The following TCTN1 variants were observed in gnomAD, a reference collection of about 807,000 sequenced individuals.
TCTN1 encodes the protein tectonic-1.
In TCTN1, 58 loss-of-function variants were observed where a neutral mutation model predicts 65.8. The ratio of observed to expected loss-of-function variants is 0.88; its 90% CI spans 0.71 to 1.10. The LOEUF (loss-of-function observed/expected upper bound fraction) is 1.10, where lower values mean the gene tolerates loss of function less well. TCTN1 is among the 50% of genes least tolerant of loss of function. TCTN1 has a pLI of 0.00. For synonymous variants in TCTN1, 273 were observed against 289.1 expected, an observed-to-expected ratio of 0.94 and a Z score of 0.57; for missense variants, 645 against 719.4, an observed-to-expected ratio of 0.90 and a Z score of 1.18.
At chr12:110,637,547 T>A (rs936675691) in intron 7 of TCTN1, among the ~76,000 whole-genome samples, 1 of 152,138 alleles carries the variant, frequency 6.6e-6, no homozygotes. Flanking sequence ...CTTTCTTAAA[T>A]GCAGTCTGAA....
intron 2 of TCTN1, among the ~76,000 whole-genome samples, chr12:110,625,372 C>T (rs114802211): frequency 0.015 from 2,318 of 152,276 alleles, 64 homozygotes; most frequent in African/African-American, 0.053. Flanking sequence ...AGCCTTGCAT[C>T]TTAACCTCCT....
At chr12:110,621,999 G>A (rs1229180222) in intron 2 of TCTN1, among the ~76,000 whole-genome samples, 2 of 151,848 alleles carry the variant, frequency 1.3e-5, no homozygotes, top group Non-Finnish European at 2.9e-5. Flanking sequence ...TCAGCTGGGC[G>A]TGGTGGTGGG....
In TCTN1 at chr12:110,614,134, C is replaced by G. The variant is rs1375400751; in HGVS notation, c.-49C>G. On this transcript the variant is annotated 5_prime_UTR_variant, in exon 1 of 15. Coordinates refer to ENST00000397659, the MANE Select transcript of TCTN1 (RefSeq NM_001082538.3). ...CCCCGCGCCTGGCTGTCGCGGTTGC[C>G]GGGCAACGCGCTGTCCATGTCGCGG... 1 of 1,539,212 alleles carries G rather than the reference C, an allele frequency of 6.5e-7. No individual in the cohort carries two copies.
chr12:110,638,452 T>G (rs539862637), intron 7 of TCTN1, among the ~76,000 whole-genome samples: 3 of 152,362 alleles, frequency 2.0e-5, no homozygotes, highest in South Asian at 4.1e-4. Flanking sequence ...ACTGTTATGA[T>G]TGCCTGGAAT....
chr12:110,636,565 G>A (rs894202888), intron 7 of TCTN1, 64 bp downstream of exon 7: 14 of 1,016,750 alleles, frequency 1.4e-5, no homozygotes, highest in Non-Finnish European at 1.9e-5. Flanking sequence ...TCTTATTTCT[G>A]AGCCCTTTTA....
chr12:110,641,539 C>A lies in TCTN1; in HGVS notation c.1105-3C>A. 1 of 1,613,902 alleles carries A rather than the reference C, an allele frequency of 6.2e-7. No individual in the cohort carries two copies. The highest frequency in any genetic ancestry group is 1.1e-5 in the South Asian group (1 of 91,078). On this transcript the variant is annotated splice_polypyrimidine_tract_variant and splice_region_variant and intron_variant, in intron 9 of 14. Transcript: ENST00000397659. ...TTGGGGGCATTTCTGCATTGTCTTT[C>A]AGGAAAATACCCAGCCAGTCCCTCT...
chr12:110,645,842 A>G lies in TCTN1; in HGVS notation c.1494+713A>G, dbSNP rs1174932124. The G allele has an allele frequency of 2.6e-5, 4 of 153,124 alleles. No homozygotes were observed. In the East Asian group the frequency reaches 7.7e-4, roughly 30 times the overall value. The allele number at this position is 153,124 out of a possible 1,614,324, so 9.5% of individuals were successfully genotyped here. ...TTGTCACGCTTTCTTCAGACCTCTC[A>G]TTATCCGCTCCGAATATTTCTAGCA... On this transcript the variant is annotated intron_variant, in intron 12 of 14. Transcript: ENST00000397659.
In TCTN1 at chr12:110,619,955, A is replaced by C. The variant is rs2065299720; in HGVS notation, c.340A>C (p.Thr114Pro). 6.2e-7 allele frequency: 1 copy of C among 1,614,136 alleles called. No individual in the cohort carries two copies. The highest frequency in any genetic ancestry group is 8.5e-7 in the Non-Finnish European group (1 of 1,180,024). ...TTCTGCCTGCTCAGTTCCAGTTGTCACGTAAGTTTACGTATGACACATGCA... is the reference window on the plus strand; with the variant it reads ...TTCTGCCTGCTCAGTTCCAGTTGTCCCGTAAGTTTACGTATGACACATGCA... ...VFSACSVPVV[T>P]GDSQFCSQKA... Residue 114 changes from threonine (T) to proline (P), a missense_variant and splice_region_variant, in exon 2 of 15, where the codon ACG (threonine) becomes CCG (proline). Coordinates refer to ENST00000397659, the MANE Select transcript of TCTN1 (RefSeq NM_001082538.3).
At chr12:110,646,894 G>A in intron 12 of TCTN1, 1 of 395,244 alleles carries the variant, frequency 2.5e-6, no homozygotes, top group Admixed American at 4.0e-5. Flanking sequence ...TGAAGTTAGA[G>A]CAGTTATGGC....
intron 1 of TCTN1, among the ~76,000 whole-genome samples, chr12:110,618,514 C>T (rs945277795): frequency 9.9e-5 from 15 of 152,126 alleles, no homozygotes; most frequent in African/African-American, 3.6e-4. Context: ...GCTGGGATTA[C>T]AGGCATGAAC....
intron 6 of TCTN1, 124 bp from the exon 7 acceptor site, chr12:110,636,357 G>T: frequency 1.5e-6 from 1 of 681,602 alleles, no homozygotes. Context: ...AGGAAATTCT[G>T]TTTTCTTCTT....
At position 110,628,918 on chromosome 12, in the gene TCTN1, G is replaced by A. The variant is rs765007998; in HGVS notation, c.624G>A (p.Glu208=). The A allele has an allele frequency of 1.2e-6, 2 of 1,613,374 alleles. No homozygotes were observed. The highest frequency in any genetic ancestry group is 1.1e-5 in the South Asian group (1 of 91,050). The change falls in exon 4 of 15, where the codon GAG becomes GAA. Residue 208 remains glutamate, a splice_region_variant and synonymous_variant. Transcript: ENST00000397659. The stretch of plus-strand genomic sequence containing the variant: ...ATATTCCTACTGCTGCTAAATATGA[G>A]GTGAGCCTGAACTTGATTGATTCTT... ...KLDIPTAAKY[E]YGVPLQTSDS...
rs369120640 is a variant in TCTN1, at chr12:110,632,065, A to G, written c.625-407A>G. Among the ~76,000 whole-genome samples, 12 of 152,352 alleles carry G rather than the reference A, an allele frequency of 7.9e-5. No homozygotes were observed. In the South Asian group the frequency reaches 1.9e-3, roughly 24 times the overall value. On this transcript the variant is annotated intron_variant, in intron 4 of 14. Coordinates refer to ENST00000397659, the MANE Select transcript of TCTN1 (RefSeq NM_001082538.3). ...GTTTTGGGAAAGAAGGCATTCTTTCATAAAACTGATTTATAAAAAATTGAT... is the reference window on the plus strand; with the variant it reads ...GTTTTGGGAAAGAAGGCATTCTTTCGTAAAACTGATTTATAAAAAATTGAT...
chr12:110,628,125 C>T (rs1467825912), intron 3 of TCTN1: 28 of 1,535,830 alleles, frequency 1.8e-5, no homozygotes, highest in South Asian at 8.3e-5. Flanking sequence ...CATAGCCATC[C>T]GGAGAGAGCT....
chr12:110,646,860 G>C (rs1217102746), intron 12 of TCTN1: 1 of 307,434 alleles, frequency 3.3e-6, no homozygotes, highest in African/African-American at 2.2e-5. Context: ...CCTGAAGTCT[G>C]TGAGGCCGCT....
At chr12:110,645,467 A>G (rs1438514851) in intron 12 of TCTN1, 1 of 356,936 alleles carries the variant, frequency 2.8e-6, no homozygotes, top group African/African-American at 2.1e-5. Flanking sequence ...TGTGATCCTC[A>G]TCCTGTTGCT....
chr12:110,628,168 G>T, intron 3 of TCTN1: 1 of 1,536,040 alleles, frequency 6.5e-7, no homozygotes, highest in Non-Finnish European at 8.7e-7. Flanking sequence ...AAACTCATCA[G>T]TCCAGGGGCT....
intron 3 of TCTN1, chr12:110,627,749 CTTTATT>C (rs2135993845): frequency 2.2e-6 from 1 of 454,196 alleles, no homozygotes; most frequent in African/African-American, 2.0e-5. Flanking sequence ...AAAACAGGAT[CTTTATT>C]TTTATCTGAG....
At chr12:110,647,363 A>C in intron 13 of TCTN1, 27 bp downstream of exon 13, 1 of 1,613,878 alleles carries the variant, frequency 6.2e-7, no homozygotes, top group Non-Finnish European at 8.5e-7. Context: ...TTAAAGGCAT[A>C]GGTTAAGACA....
Sources: allele counts gnomAD v4.1 joint callset (sites outside exome capture counted in the v4.1 genomes callset), GRCh38; gene constraint gnomAD v4.1.1; transcripts MANE v1.5; gene names NCBI Gene and HGNC (gene_info 2026-07-23, HGNC 2026-07-21).